GREM2: variants seen among roughly 807,000 people sequenced by gnomAD.
GREM2 encodes gremlin 2, DAN family BMP antagonist.
In GREM2, 11 loss-of-function variants were observed where a neutral mutation model predicts 14.2. That is an observed-to-expected ratio of 0.78 (90% CI 0.49 to 1.28). GREM2 has a LOEUF of 1.28. Among genes scored for constraint, GREM2 ranks in the 50% most tolerant of loss-of-function variants. The pLI, the probability that GREM2 is intolerant of heterozygous loss-of-function variation, is 0.00. For synonymous variants in GREM2, 98 were observed against 97.6 expected (o/e 1.00, Z -0.02); for missense variants, 210 against 218.5 (o/e 0.96, Z 0.24).
intron 1 of GREM2, among the ~76,000 whole-genome samples, chr1:240,562,360 C>T (rs1679056725): frequency 6.6e-6 from 1 of 152,140 alleles, no homozygotes; most frequent in South Asian, 2.1e-4. Context: ...ACCTTGTCAG[C>T]CTAGCAAAAT....
At position 240,529,239 on chromosome 1, in the gene GREM2, C is replaced by CTT. The variant is rs36061225; in HGVS notation, c.-1-35765_-1-35764dup. Among the ~76,000 whole-genome samples, 669 of 96,028 alleles carry CTT rather than the reference C, an allele frequency of 7.0e-3. 18 individuals are homozygous for CTT. Among genetic ancestry groups the CTT allele is most frequent in the African/African-American group, 0.015 (368 of 24,290 alleles). 63.0% of individuals were successfully genotyped at this position (96,028 alleles called of 152,430 possible). The stretch of plus-strand genomic sequence containing the variant: ...TGACTCATTTGAACCAGTGGATAGG[C>CTT]TTTTTTTTTTTTTTTTTTAGCTGCC... On this transcript the variant is annotated intron_variant, in intron 1 of 1. Transcript: ENST00000318160.
chr1:240,518,137 T>G (rs543086244), intron 1 of GREM2, among the ~76,000 whole-genome samples: 1 of 152,314 alleles, frequency 6.6e-6, no homozygotes, highest in Non-Finnish European at 1.5e-5. Flanking sequence ...TGATGTCACT[T>G]TTATTCATTT....
Position 240,492,228 on chromosome 1 carries a change from C to A in GREM2, c.*741G>T, listed in dbSNP as rs1448299338. 6 of 453,060 alleles carry A rather than the reference C, an allele frequency of 1.3e-5. No individual in the cohort carries two copies. Among genetic ancestry groups the A allele is most frequent in the Middle Eastern group, 3.3e-4 (1 of 3,060 alleles). The allele number at this position is 453,060 out of a possible 1,614,324, so 28.1% of individuals were successfully genotyped here. On this transcript the variant is annotated 3_prime_UTR_variant, in exon 2 of 2. Coordinates refer to ENST00000318160, the MANE Select transcript of GREM2 (RefSeq NM_022469.4). ...AATTGCAGCAATAATAGCATGCACA[C>A]CAGAGTTCATCTTTAGTCCACAAAT...
chr1:240,510,724 TA>T (rs1018874931), intron 1 of GREM2, among the ~76,000 whole-genome samples: 4 of 152,348 alleles, frequency 2.6e-5, no homozygotes, highest in Non-Finnish European at 4.4e-5. Context: ...AGTCTGTGGT[TA>T]ACATTTAAAT....
At chr1:240,561,587 C>A (rs1387740193) in intron 1 of GREM2, among the ~76,000 whole-genome samples, 2 of 151,958 alleles carry the variant, frequency 1.3e-5, no homozygotes, top group African/African-American at 4.8e-5. Context: ...TTCCCAGAAT[C>A]AATCATTTTA....
At chr1:240,544,208 C>T (rs1017344436) in intron 1 of GREM2, among the ~76,000 whole-genome samples, 11 of 147,146 alleles carry the variant, frequency 7.5e-5, no homozygotes, top group Non-Finnish European at 1.2e-4. Context: ...AGTGCAGTGG[C>T]GCAATCTCGG....
chr1:240,535,281 G>T (rs1052885748), intron 1 of GREM2, among the ~76,000 whole-genome samples: 21 of 152,276 alleles, frequency 1.4e-4, no homozygotes, highest in African/African-American at 4.1e-4. Context: ...TACTTAAAGA[G>T]ATTATGCAAC....
intron 1 of GREM2, among the ~76,000 whole-genome samples, chr1:240,600,787 T>C (rs1389236983): frequency 1.3e-5 from 2 of 152,056 alleles, no homozygotes; most frequent in Non-Finnish European, 2.9e-5. Context: ...CCTGGCTGTG[T>C]TTTTATTGCT....
chr1:240,521,944 T>A (rs2103304156), intron 1 of GREM2, among the ~76,000 whole-genome samples: 1 of 151,690 alleles, frequency 6.6e-6, no homozygotes, highest in Admixed American at 6.6e-5. Context: ...AAACCCCATC[T>A]CTACCAAAAA....
At chr1:240,609,702 T>C (rs968363493) in intron 1 of GREM2, among the ~76,000 whole-genome samples, 4 of 152,168 alleles carry the variant, frequency 2.6e-5, no homozygotes, top group Non-Finnish European at 4.4e-5. Context: ...AGTACAAAAG[T>C]GGCTGAACTA....
chr1:240,608,737 A>T (rs1245181682), intron 1 of GREM2, among the ~76,000 whole-genome samples: 1 of 152,190 alleles, frequency 6.6e-6, no homozygotes, highest in African/African-American at 2.4e-5. Context: ...AGGTAGCACC[A>T]ATTCTGGAGG....
At chr1:240,580,262 T>C (rs183136309) in intron 1 of GREM2, among the ~76,000 whole-genome samples, 1 of 152,238 alleles carries the variant, frequency 6.6e-6, no homozygotes, top group African/African-American at 2.4e-5. Flanking sequence ...TTTTTAAAGG[T>C]GCATGTTAAT....
intron 1 of GREM2, among the ~76,000 whole-genome samples, chr1:240,528,449 G>A (rs1422563739): frequency 6.6e-6 from 1 of 152,056 alleles, no homozygotes; most frequent in Admixed American, 6.6e-5. Context: ...TTATTCACCT[G>A]TCTCCAAACC....
chr1:240,562,856 GTATGTGTA>G (rs1355631248), intron 1 of GREM2, among the ~76,000 whole-genome samples: 2 of 150,934 alleles, frequency 1.3e-5, no homozygotes, highest in Non-Finnish European at 3.0e-5. Context: ...GTGTATGTGT[GTATGTGTA>G]TATGTGAGTG....
rs1677310021 is a variant in GREM2 at position 240,493,283 on chromosome 1, G to A, written c.193C>T (p.Arg65Cys). 1 of 1,613,850 alleles carries A rather than the reference G, an allele frequency of 6.2e-7. No individual in the cohort carries two copies. The part of the protein sequence containing the change: ...SSQEALVVTE[R>C]KYLKSDWCKT... Reference sequence around the variant, plus strand: ...CACCAGTCACTCTTGAGGTACTTGCGCTCGGTGACCACCAGGGCCTCCTGG... The same window carrying A: ...CACCAGTCACTCTTGAGGTACTTGCACTCGGTGACCACCAGGGCCTCCTGG... The change falls in exon 2 of 2, where the codon CGC becomes TGC. Residue 65 changes from arginine to cysteine, a missense_variant. Transcript: ENST00000318160.
At chr1:240,545,639 T>C (rs1044788286) in intron 1 of GREM2, among the ~76,000 whole-genome samples, 3 of 152,196 alleles carry the variant, frequency 2.0e-5, no homozygotes, top group Non-Finnish European at 4.4e-5. Flanking sequence ...CTATGGGATC[T>C]GATGCTATCT....
At chr1:240,576,307 C>G (rs535580491) in intron 1 of GREM2, among the ~76,000 whole-genome samples, 1 of 152,320 alleles carries the variant, frequency 6.6e-6, no homozygotes, top group South Asian at 2.1e-4. Context: ...CCACCTCCTT[C>G]CTCTCAAATG....
Position 240,491,400 on chromosome 1 carries a change from T to G in GREM2, c.*1569A>C, listed in dbSNP as rs140005223. 1.3e-5 allele frequency: 2 copies of G among 152,714 alleles called. No individual in the cohort carries two copies. The highest frequency in any genetic ancestry group is 4.8e-5 in the African/African-American group (2 of 41,554). The allele number at this position is 152,714 out of a possible 1,614,324, so 9.5% of individuals were successfully genotyped here. On this transcript the variant is annotated 3_prime_UTR_variant, in exon 2 of 2. Coordinates refer to ENST00000318160, the MANE Select transcript of GREM2 (RefSeq NM_022469.4). ...GGCAGCTCATTCACATTTGTCAGAT[T>G]CCATAAGCATTACTCACAGGGAAGC...
rs1332171930 is a variant in GREM2, at chr1:240,590,481, A to G, written c.-2+21403T>C. On this transcript the variant is annotated intron_variant, in intron 1 of 1. Transcript: ENST00000318160. ...TTTCGTTCTTATGGTCCAAGCTGGAATGTAATGGGGCGATCCTGGCTCACT... is the reference window on the plus strand; with the variant it reads ...TTTCGTTCTTATGGTCCAAGCTGGAGTGTAATGGGGCGATCCTGGCTCACT... Among the ~76,000 whole-genome samples, 4 of 149,732 alleles carry G rather than the reference A, an allele frequency of 2.7e-5. No individual in the cohort carries two copies. The East Asian group carries it at 5.9e-4, about 22-fold the overall frequency.
Sources: gnomAD v4.1 joint callset for allele counts (sites outside exome capture counted in the v4.1 genomes callset) on GRCh38, gnomAD v4.1.1 for gene constraint, MANE v1.5 for transcripts, NCBI Gene and HGNC (gene_info 2026-07-23, HGNC 2026-07-21) for gene names.